The following KCNN1 variants were observed in gnomAD, a reference collection of about 807,000 sequenced individuals.
KCNN1 encodes small conductance calcium-activated potassium channel protein 1.
Under a neutral mutation model 44.7 loss-of-function variants are expected in KCNN1, and 20 were observed. That is an observed-to-expected ratio of 0.45 (90% CI 0.32 to 0.65). The LOEUF is 0.65. Ranked by LOEUF, KCNN1 falls within the 30% of genes least tolerant of loss-of-function variation. KCNN1 has a pLI of 0.05. For missense variants in KCNN1, 632 were observed against 785.3 expected, an observed-to-expected ratio of 0.80 and a Z score of 2.33; for synonymous variants, 324 against 341.7, an observed-to-expected ratio of 0.95 and a Z score of 0.57.
intron 2 of KCNN1, among the ~76,000 whole-genome samples, chr19:17,958,480 CTTT>C (rs71164331): frequency 7.0e-5 from 7 of 99,558 alleles, no homozygotes; most frequent in Middle Eastern, 6.0e-3. Flanking sequence ...GACCCTGTCT[CTTT>C]TTTTTTTTTT....
At chr19:17,975,810 G>A (rs1025141961) in intron 3 of KCNN1, among the ~76,000 whole-genome samples, 30 of 152,068 alleles carry the variant, frequency 2.0e-4, no homozygotes, top group African/African-American at 7.2e-4. Flanking sequence ...TTGTGTTCAA[G>A]AGATTTTCCT....
intron 2 of KCNN1, among the ~76,000 whole-genome samples, chr19:17,958,704 T>G (rs1268012678): frequency 6.6e-6 from 1 of 151,336 alleles, no homozygotes; most frequent in Non-Finnish European, 1.5e-5. Flanking sequence ...ATTTATTTAT[T>G]TATTTATTTA....
intron 9 of KCNN1, among the ~76,000 whole-genome samples, chr19:17,997,340 C>T (rs1306670772): frequency 1.3e-5 from 2 of 152,116 alleles, no homozygotes; most frequent in Non-Finnish European, 2.9e-5. Context: ...CCTGGAGCAA[C>T]GTCAGCCCCA....
At chr19:17,997,413 C>T (rs2033036653) in intron 9 of KCNN1, among the ~76,000 whole-genome samples, 1 of 152,146 alleles carries the variant, frequency 6.6e-6, no homozygotes, top group Non-Finnish European at 1.5e-5. Context: ...GCCCTGTGGC[C>T]ACTAGACCCC....
chr19:17,974,073 A>G lies in KCNN1; in HGVS notation c.185A>G (p.Gln62Arg). The G allele has an allele frequency of 6.8e-6, 11 of 1,611,620 alleles. No homozygotes were observed. Among genetic ancestry groups the G allele is most frequent in the Non-Finnish European group, 9.3e-6 (11 of 1,179,728 alleles). Residue 62 changes from glutamine to arginine, a missense_variant, in exon 2 of 10, where the codon CAG becomes CGG. Coordinates refer to ENST00000684775, the MANE Select transcript of KCNN1 (RefSeq NM_001386974.1). This position sits in a 1 kb window ranked among gnomAD's most constrained non-coding sequence, Gnocchi z 7.3. ...CCCTCACCCGGCAGCCCCCGGGGGC[A>G]GCCCCAGGACCAGGACGATGACGAG... ...ARPSPGSPRG[Q>R]PQDQDDDEDD... is the part of the protein sequence containing the mutation.
chr19:17,978,202 T>C lies in KCNN1; in HGVS notation c.498+3015T>C, dbSNP rs548562970. Among the ~76,000 whole-genome samples, 77 of 146,438 alleles carry C rather than the reference T, an allele frequency of 5.3e-4. 1 individual carries two copies. The highest frequency in any genetic ancestry group is 1.8e-3 in the African/African-American group (73 of 39,750). On this transcript the variant is annotated intron_variant, in intron 3 of 9. Transcript: ENST00000684775. ...AGTACAGTGGTGCAATCTCAGCTCA[T>C]TGCAACCTCCGCCTCCTGGGTTCAA...
chr19:17,968,107 A>G, intron 1 of KCNN1, among the ~76,000 whole-genome samples: 1 of 144,230 alleles, frequency 6.9e-6, no homozygotes, highest in African/African-American at 2.6e-5. Context: ...TGGTGGCGGG[A>G]AGGGGGATCC....
chr19:17,953,827 G>A lies in KCNN1; in HGVS notation c.-202-734G>A, dbSNP rs139135972. Among the ~76,000 whole-genome samples, 9 of 152,332 alleles carry A rather than the reference G, an allele frequency of 5.9e-5. No homozygotes were observed. The East Asian group carries it at 1.5e-3, about 26-fold the overall frequency. On this transcript the variant is annotated intron_variant, in intron 1 of 10. Coordinates refer to the KCNN1 transcript ENST00000222249. The stretch of plus-strand genomic sequence containing the variant: ...CACTTGTAGTCCAAGCTACTTGGGG[G>A]CCGAAGGTGGGAGGATCGCTTGAGC...
intron 9 of KCNN1, among the ~76,000 whole-genome samples, chr19:17,997,274 T>TC (rs563804536): frequency 9.2e-5 from 14 of 151,782 alleles, no homozygotes; most frequent in Non-Finnish European, 1.9e-4. Flanking sequence ...CTGAACAGGG[T>TC]CCCCCCTCCT....
Position 17,974,012 on chromosome 19 carries a change from C to A in KCNN1, c.124C>A (p.Leu42Ile). ...CCCACAACCCCCGCACAGCCCGGGCCTCCAGGTGGTAGTGGCCAAGAGTGA... is the reference window on the plus strand; with the variant it reads ...CCCACAACCCCCGCACAGCCCGGGCATCCAGGTGGTAGTGGCCAAGAGTGA... ...HPPQPPHSPG[L>I]QVVVAKSEPA... The change falls in exon 2 of 10, where the codon CTC (leucine) becomes ATC (isoleucine). Residue 42 changes from leucine to isoleucine, a missense_variant. Physicochemically the swap from Leu to Ile is conservative, Grantham distance 5. Around this residue, in one of 3 missense-constraint regions of KCNN1, gnomAD observed 235 missense variants for 224.0 expected, o/e 1.05. Coordinates refer to ENST00000684775, the MANE Select transcript of KCNN1 (RefSeq NM_001386974.1). This position sits in a 1 kb window ranked among gnomAD's most constrained non-coding sequence, Gnocchi z 7.3. 1 of 1,600,408 alleles carries A rather than the reference C, an allele frequency of 6.2e-7. No homozygotes were observed. The highest frequency in any genetic ancestry group is 8.5e-7 in the Non-Finnish European group (1 of 1,174,714).
At chr19:17,989,347 A>G (rs1461336797) in intron 6 of KCNN1, among the ~76,000 whole-genome samples, 1 of 152,298 alleles carries the variant, frequency 6.6e-6, no homozygotes, top group East Asian at 1.9e-4. Flanking sequence ...AATCCCAGCT[A>G]CTAGGGAGAG....
chr19:17,997,002 G>T (rs2033019290), intron 9 of KCNN1, among the ~76,000 whole-genome samples: 1 of 152,062 alleles, frequency 6.6e-6, no homozygotes, highest in Non-Finnish European at 1.5e-5. Context: ...CAGAGCCGTG[G>T]AGTGATGTTC....
chr19:17,981,552 CAAAA>C (rs71164338), intron 3 of KCNN1, among the ~76,000 whole-genome samples, 153 bp from the exon 4 acceptor site: 2 of 90,030 alleles, frequency 2.2e-5, no homozygotes, highest in African/African-American at 3.6e-5. Flanking sequence ...AACTCCATCT[CAAAA>C]AAAAAAAAAA....
At chr19:17,960,724 G>A (rs2031657678) in intron 2 of KCNN1, among the ~76,000 whole-genome samples, 3 of 152,120 alleles carry the variant, frequency 2.0e-5, no homozygotes, top group South Asian at 4.1e-4. Flanking sequence ...TGTTGGTGGT[G>A]TTGCCTTCCC....
In KCNN1 at chr19:17,988,441, G is replaced by A. The variant is rs1455634216; in HGVS notation, c.1086G>A (p.Val362=). 6.2e-7 allele frequency: 1 copy of A among 1,612,976 alleles called. No individual in the cohort carries two copies. The highest frequency in any genetic ancestry group is 1.3e-5 in the African/African-American group (1 of 75,032). Residue 362 remains valine (V), a synonymous_variant, in exon 6 of 10, where the codon GTG becomes GTA. Transcript: ENST00000684775. ...IMGAGCTALV[V]AVVARKLELT... Reference sequence around the variant, plus strand: ...GAGCTGGCTGTACCGCGCTCGTGGTGGCTGTGGTGGCTCGGAAGCTGGAGC... The same window carrying A: ...GAGCTGGCTGTACCGCGCTCGTGGTAGCTGTGGTGGCTCGGAAGCTGGAGC...
chr19:17,994,585 C>T (rs1202455380), intron 9 of KCNN1, among the ~76,000 whole-genome samples: 2 of 151,838 alleles, frequency 1.3e-5, no homozygotes, highest in Non-Finnish European at 2.9e-5. Flanking sequence ...GCTCTGTCAC[C>T]CAGGCTGGAG....
At chr19:17,997,449 C>A (rs147671011) in intron 9 of KCNN1, among the ~76,000 whole-genome samples, 18 of 152,196 alleles carry the variant, frequency 1.2e-4, no homozygotes, top group Non-Finnish European at 2.6e-4. Context: ...CATGTCCCCC[C>A]ACCCCAGAAC....
chr19:17,956,501 G>A (rs1376279630), intron 2 of KCNN1, among the ~76,000 whole-genome samples: 4 of 152,120 alleles, frequency 2.6e-5, no homozygotes, highest in Non-Finnish European at 5.9e-5. Flanking sequence ...CCAGAACTTT[G>A]GGAGGCCAAG....
chr19:17,990,955 G>A (rs1176534464), intron 7 of KCNN1, among the ~76,000 whole-genome samples: 1 of 152,082 alleles, frequency 6.6e-6, no homozygotes, highest in African/African-American at 2.4e-5. Flanking sequence ...AATCCCAAGA[G>A]CCACATCCAA....
Sources: gnomAD v4.1 joint callset for allele counts (sites outside exome capture counted in the v4.1 genomes callset) on GRCh38, gnomAD v4.1.1 for gene constraint, gnomAD v4.1.1 regional missense constraint, Gnocchi (gnomAD v3.1) non-coding constraint, MANE v1.5 for transcripts, NCBI Gene and HGNC (gene_info 2026-07-23, HGNC 2026-07-21) for gene names.